The following GPNMB variants were observed in gnomAD, a reference collection of about 807,000 sequenced individuals.
The protein encoded by GPNMB is transmembrane glycoprotein NMB.
A neutral mutation model predicts 57.3 loss-of-function variants in GPNMB; 71 were observed. The observed-to-expected ratio is 1.24, with a 90% CI of 1.02 to 1.51. GPNMB has a LOEUF of 1.51. Ranked by LOEUF, GPNMB falls within the 40% of genes most tolerant of loss-of-function variation. The pLI is 0.00. For missense variants in GPNMB, 677 were observed against 691.9 expected, an observed-to-expected ratio of 0.98 and a Z score of 0.24; for synonymous variants, 253 against 263.2, an observed-to-expected ratio of 0.96 and a Z score of 0.38.
In GPNMB at chr7:23,254,251, C is replaced by T; in HGVS notation, c.306C>T (p.Phe102=). ...SNITFAVNLI[F]PRCQKEDANG... ...TAACATTTGCGGTGAACCTGATATT[C>T]CCTAGATGCCAAAAGGAAGATGCCA... Residue 102 remains phenylalanine, a synonymous_variant, in exon 3 of 11, where the codon TTC becomes TTT. Coordinates refer to ENST00000258733, the MANE Select transcript of GPNMB (RefSeq NM_002510.3). 1 of 1,613,344 alleles carries T rather than the reference C, an allele frequency of 6.2e-7. No homozygotes were observed. The highest frequency in any genetic ancestry group is 8.5e-7 in the Non-Finnish European group (1 of 1,179,338).
Position 23,260,143 on chromosome 7 carries a change from G to T in GPNMB, c.700+5G>T, listed in dbSNP as rs749702180. 3.1e-6 allele frequency: 5 copies of T among 1,613,772 alleles called. No individual in the cohort carries two copies. Among genetic ancestry groups the T allele is most frequent in the Middle Eastern group, 3.3e-4 (2 of 6,056 alleles). On this transcript the variant is annotated splice_donor_5th_base_variant and intron_variant, in intron 5 of 10. Coordinates refer to ENST00000258733, the MANE Select transcript of GPNMB (RefSeq NM_002510.3). ...AAGATGTGTACGTGGTAACAGGTGA[G>T]TGGTGTGAACTCTAACTGAGGATGA...
chr7:23,271,910 A>G (rs956600915), intron 9 of GPNMB, among the ~76,000 whole-genome samples: 1 of 152,236 alleles, frequency 6.6e-6, no homozygotes, highest in Admixed American at 6.5e-5. Context: ...GAAAATAATC[A>G]TACATCTAAT....
chr7:23,256,691 A>G (rs959338858), intron 3 of GPNMB, among the ~76,000 whole-genome samples: 3 of 152,266 alleles, frequency 2.0e-5, no homozygotes, highest in Non-Finnish European at 4.4e-5. Context: ...TAAAACCTTC[A>G]TTGAAATATA....
chr7:23,253,150 A>G (rs568499910), intron 1 of GPNMB, among the ~76,000 whole-genome samples, 157 bp from the exon 2 acceptor site: 1 of 152,354 alleles, frequency 6.6e-6, no homozygotes, highest in South Asian at 2.1e-4. Context: ...AGGTATTTCC[A>G]GGAGACTTCC....
At chr7:23,254,426 T>C (rs1782731095) in intron 3 of GPNMB, 114 bp downstream of exon 3, 1 of 787,882 alleles carries the variant, frequency 1.3e-6, no homozygotes, top group South Asian at 1.7e-5. Flanking sequence ...CTGCACTCCA[T>C]GAGCTGGATG....
chr7:23,257,597 G>C (rs1315525081), intron 4 of GPNMB: 1 of 157,868 alleles, frequency 6.3e-6, no homozygotes, highest in Non-Finnish European at 1.4e-5. Flanking sequence ...ACTTGAATCC[G>C]GGAGGTGGAG....
chr7:23,273,587 T>G lies in GPNMB; in HGVS notation c.1496T>G (p.Val499Gly). Reference protein sequence around the residue: ...LISVGCLAIFVTVISLLVYKK... With the variant: ...LISVGCLAIFGTVISLLVYKK... ...TCCGTTGGCTGCTTGGCCATATTTG[T>G]CACTGTGATCTCCCTCTTGGTGTAC... Residue 499 changes from valine (V) to glycine (G), a missense_variant, in exon 10 of 11, where the codon GTC becomes GGC. Transcript: ENST00000258733. 1 of 1,612,286 alleles carries G rather than the reference T, an allele frequency of 6.2e-7. No individual in the cohort carries two copies. Among genetic ancestry groups the G allele is most frequent in the Non-Finnish European group, 8.5e-7 (1 of 1,178,256 alleles).
At chr7:23,252,814 G>A (rs1782689575) in intron 1 of GPNMB, among the ~76,000 whole-genome samples, 2 of 152,136 alleles carry the variant, frequency 1.3e-5, no homozygotes, top group Non-Finnish European at 2.9e-5. Flanking sequence ...ACTACACAAA[G>A]TATATGGAAC....
chr7:23,265,329 C>A (rs1181060230), intron 6 of GPNMB, among the ~76,000 whole-genome samples: 1 of 152,150 alleles, frequency 6.6e-6, no homozygotes, highest in African/African-American at 2.4e-5. Context: ...GATGTCCTTC[C>A]CCAAGACTGA....
intron 6 of GPNMB, among the ~76,000 whole-genome samples, chr7:23,262,608 C>CTTTTTTTTTTTT (rs58011121): frequency 1.6e-5 from 1 of 62,800 alleles, no homozygotes; most frequent in Non-Finnish European, 2.8e-5. Context: ...TCACCATTCT[C>CTTTTTTTTTTTT]TTTTTTTTTT....
chr7:23,259,184 G>GAATTTT (rs1224013655), intron 4 of GPNMB, among the ~76,000 whole-genome samples: 231 of 151,804 alleles, frequency 1.5e-3, no homozygotes, highest in Non-Finnish European at 2.8e-3. Context: ...TCACTTACGG[G>GAATTTT]ATTTTTATTT....
At chr7:23,264,513 C>T (rs1783011797) in intron 6 of GPNMB, among the ~76,000 whole-genome samples, 1 of 152,094 alleles carries the variant, frequency 6.6e-6, no homozygotes, top group African/African-American at 2.4e-5. Flanking sequence ...GCCAGCACTA[C>T]AGGCATGTGA....
At chr7:23,272,948 A>G (rs1214464682) in intron 9 of GPNMB, 2 of 152,034 alleles carry the variant, frequency 1.3e-5, no homozygotes, top group Non-Finnish European at 2.9e-5. Context: ...GGCTCAAGCA[A>G]TCCTTGACTT....
intron 1 of GPNMB, chr7:23,247,715 G>C (rs1455785519): frequency 2.0e-5 from 3 of 152,306 alleles, no homozygotes; most frequent in African/African-American, 7.2e-5. Flanking sequence ...GCAGAGGCCT[G>C]AGACGTGGGC....
At chr7:23,261,015 T>C (rs907108260) in intron 6 of GPNMB, among the ~76,000 whole-genome samples, 1 of 152,222 alleles carries the variant, frequency 6.6e-6, no homozygotes, top group Non-Finnish European at 1.5e-5. Context: ...AGAAAGTTCT[T>C]TGACCCTCCT....
At chr7:23,251,309 T>G (rs1386115574) in intron 1 of GPNMB, among the ~76,000 whole-genome samples, 5 of 152,078 alleles carry the variant, frequency 3.3e-5, no homozygotes, top group Admixed American at 1.3e-4. Flanking sequence ...ATACCACACC[T>G]CATGGAGGAT....
intron 4 of GPNMB, 172 bp downstream of exon 4, chr7:23,257,237 C>T (rs1425395959): frequency 1.5e-6 from 1 of 662,820 alleles, no homozygotes; most frequent in Non-Finnish European, 2.7e-6. Context: ...TCTTGGTTAA[C>T]CTTGCCAAAT....
At chr7:23,257,248 C>A (rs115699333) in intron 4 of GPNMB, 183 bp downstream of exon 4, 1 of 640,196 alleles carries the variant, frequency 1.6e-6, no homozygotes, top group Non-Finnish European at 2.8e-6. Flanking sequence ...CTTGCCAAAT[C>A]TCCAGGACAC....
At chr7:23,259,375 A>G (rs113828431) in intron 4 of GPNMB, among the ~76,000 whole-genome samples, 5,264 of 151,854 alleles carry the variant, frequency 0.035, 269 homozygotes, top group East Asian at 0.13. Flanking sequence ...GTAGAGATGG[A>G]GTTTCACCAT....
Sources: gnomAD v4.1 joint callset for allele counts (sites outside exome capture counted in the v4.1 genomes callset) on GRCh38, gnomAD v4.1.1 for gene constraint, MANE v1.5 for transcripts, NCBI Gene and HGNC (gene_info 2026-07-23, HGNC 2026-07-21) for gene names.